TRPM3: variants seen among roughly 807,000 people sequenced by gnomAD.
TRPM3 encodes long transient receptor potential channel 3.
Under a neutral mutation model 181.2 loss-of-function variants are expected in TRPM3, and 77 were observed. The observed-to-expected ratio is 0.42, with a 90% CI of 0.35 to 0.51. The LOEUF (loss-of-function observed/expected upper bound fraction) is 0.51, where lower values mean the gene tolerates loss of function less well. Ranked by LOEUF, TRPM3 falls within the 20% of genes least tolerant of loss-of-function variation. TRPM3 has a pLI of 0.01. For missense variants in TRPM3, 1,759 were observed against 2,196.7 expected (o/e 0.80, Z 3.98); for synonymous variants, 745 against 796.4 (o/e 0.94, Z 1.09).
At chr9:70,761,424 G>GT (rs1564167221) in intron 8 of TRPM3, 177 bp downstream of exon 8, 2 of 803,742 alleles carry the variant, frequency 2.5e-6, no homozygotes, top group Non-Finnish European at 4.3e-6. Flanking sequence ...CTCGAAGGCA[G>GT]TAAAAGCAGT....
chr9:71,401,252 G>A (rs2093336818), intron 1 of TRPM3, among the ~76,000 whole-genome samples: 1 of 148,262 alleles, frequency 6.7e-6, no homozygotes, highest in South Asian at 2.1e-4. Flanking sequence ...CTGCTTTCAA[G>A]GAACTTAGAG....
intron 1 of TRPM3, among the ~76,000 whole-genome samples, chr9:70,976,421 T>C (rs142811216): frequency 1.3e-5 from 2 of 152,262 alleles, no homozygotes; most frequent in Non-Finnish European, 2.9e-5. Context: ...AGGCAGAATG[T>C]CCAAAGCATA....
chr9:71,014,350 C>T (rs2097768151), intron 1 of TRPM3, among the ~76,000 whole-genome samples: 1 of 151,890 alleles, frequency 6.6e-6, no homozygotes, highest in Non-Finnish European at 1.5e-5. Context: ...TGTGAATGTC[C>T]TATGTATATT....
At chr9:70,580,627 C>G (rs918975892) in intron 22 of TRPM3, among the ~76,000 whole-genome samples, 1 of 152,218 alleles carries the variant, frequency 6.6e-6, no homozygotes, top group Admixed American at 6.5e-5. Context: ...CCCATATGCC[C>G]ACACCAGGCA....
At chr9:71,043,178 C>T (rs2059026972) in intron 1 of TRPM3, among the ~76,000 whole-genome samples, 1 of 152,168 alleles carries the variant, frequency 6.6e-6, no homozygotes, top group Non-Finnish European at 1.5e-5. Flanking sequence ...GGCTGTCTGA[C>T]ATATTCTCTC....
intron 22 of TRPM3, among the ~76,000 whole-genome samples, chr9:70,555,684 C>T (rs1022608515): frequency 6.6e-6 from 1 of 152,194 alleles, no homozygotes; most frequent in African/African-American, 2.4e-5. Context: ...TTCAGTGTCT[C>T]TGCTACCCAC....
rs137919423 is a variant in TRPM3, at chr9:70,603,621, G to A, written c.2668-151C>T. 22 of 729,756 alleles carry A rather than the reference G, an allele frequency of 3.0e-5. No individual in the cohort carries two copies. The African/African-American group carries it at 3.5e-4, about 12-fold the overall frequency. The allele number at this position is 729,756 out of a possible 1,614,324, so 45.2% of individuals were successfully genotyped here. A position where few individuals can be genotyped will look rare whatever the true frequency, so the allele number is the denominator to read the frequency against. The stretch of plus-strand genomic sequence containing the variant: ...ACTTGAAGGTGCTAAACTAACAAAA[G>A]AATTAGAAAAGACAGTAATACTTGA... On this transcript the variant is annotated intron_variant, in intron 19 of 25. Transcript: ENST00000677713.
chr9:70,787,353 T>C (rs2083914560), intron 6 of TRPM3, among the ~76,000 whole-genome samples: 1 of 152,132 alleles, frequency 6.6e-6, no homozygotes, highest in African/African-American at 2.4e-5. Flanking sequence ...TGCTTCCAAA[T>C]TCTCTCTTAT....
chr9:70,535,938 G>A lies in TRPM3; in HGVS notation c.*15C>T, dbSNP rs769265828. ...GCTGGATTCTTGAGCCTTCTGTGGC[G>A]GATATTAAGAAGGTTTAGTTGTGCT... On this transcript the variant is annotated 3_prime_UTR_variant, in exon 26 of 26. Coordinates refer to ENST00000677713, the MANE Select transcript of TRPM3 (RefSeq NM_001366145.2). The A allele has an allele frequency of 1.7e-5, 26 of 1,556,764 alleles. No individual in the cohort carries two copies. Among genetic ancestry groups the A allele is most frequent in the African/African-American group, 1.4e-4 (10 of 72,866 alleles).
At chr9:70,783,062 C>A (rs1050532056) in intron 7 of TRPM3, among the ~76,000 whole-genome samples, 2 of 152,078 alleles carry the variant, frequency 1.3e-5, no homozygotes, top group Non-Finnish European at 2.9e-5. Context: ...GAGGGAGCAT[C>A]CTGCTGTAGG....
At chr9:70,570,615 A>G (rs1179316001) in intron 22 of TRPM3, among the ~76,000 whole-genome samples, 1 of 152,162 alleles carries the variant, frequency 6.6e-6, no homozygotes. Flanking sequence ...GTCCGGCCTT[A>G]GATATTTTAA....
chr9:71,156,422 A>ACACAC (rs1565285039), intron 1 of TRPM3, among the ~76,000 whole-genome samples: 1 of 94,974 alleles, frequency 1.1e-5, no homozygotes, highest in African/African-American at 3.2e-5. Context: ...CACACACACA[A>ACACAC]GGCTTATCAC....
Position 70,636,186 on chromosome 9 carries a change from T to A in TRPM3, c.1582-925A>T, listed in dbSNP as rs1253755713. On this transcript the variant is annotated intron_variant, in intron 11 of 25. Transcript: ENST00000677713. The stretch of plus-strand genomic sequence containing the variant: ...ACAAATGAGCTTGGTTATGATTCAA[T>A]GAAATTTTAATTATGGGCACAGAAA... 3.9e-5 allele frequency among the ~76,000 whole-genome samples: 6 copies of A among 152,134 alleles called. No homozygotes were observed. In the East Asian group the frequency reaches 1.2e-3, roughly 29 times the overall value.
At chr9:71,208,662 A>G (rs2079278998) in intron 1 of TRPM3, among the ~76,000 whole-genome samples, 2 of 152,218 alleles carry the variant, frequency 1.3e-5, no homozygotes, top group African/African-American at 4.8e-5. Flanking sequence ...TTAGAAACAG[A>G]AAAGAATATG....
At position 70,591,476 on chromosome 9, in the gene TRPM3, C is replaced by T. The variant is rs372080671; in HGVS notation, c.3049-271G>A. ...CGTTTTTCATTGCTGTCTGTGGGACCGAGCATAGGTCCCACATAGGCTAGG... is the reference window on the plus strand; with the variant it reads ...CGTTTTTCATTGCTGTCTGTGGGACTGAGCATAGGTCCCACATAGGCTAGG... On this transcript the variant is annotated intron_variant, in intron 21 of 25. Transcript: ENST00000677713. Among the ~76,000 whole-genome samples the T allele has an allele frequency of 6.4e-4, 97 of 152,210 alleles. 2 individuals carry two copies. The South Asian group carries it at 0.018, about 29-fold the overall frequency.
In TRPM3 at chr9:70,846,375, T is replaced by C; in HGVS notation, c.676+3A>G. On this transcript the variant is annotated splice_donor_region_variant and intron_variant, in intron 4 of 25. Coordinates refer to ENST00000677713, the MANE Select transcript of TRPM3 (RefSeq NM_001366145.2). ...TGACTTTCTCTGTTCCACTTGCAAT[T>C]ACCTGTGTTAACCCCTCCAGTGAAT... is the stretch of plus-strand genomic sequence containing the variant. 1 of 1,613,188 alleles carries C rather than the reference T, an allele frequency of 6.2e-7. No individual in the cohort carries two copies. Among genetic ancestry groups the C allele is most frequent in the Non-Finnish European group, 8.5e-7 (1 of 1,179,172 alleles).
chr9:70,988,090 G>A (rs898311181), intron 1 of TRPM3, among the ~76,000 whole-genome samples: 5 of 152,114 alleles, frequency 3.3e-5, no homozygotes, highest in Non-Finnish European at 7.4e-5. Flanking sequence ...GCAAGCTTAT[G>A]TAAGTCACTG....
At chr9:70,959,054 AACG>A (rs1367808581) in intron 1 of TRPM3, among the ~76,000 whole-genome samples, 3 of 151,472 alleles carry the variant, frequency 2.0e-5, no homozygotes, top group African/African-American at 4.9e-5. Context: ...CCTAATGCTA[AACG>A]ACGAGTTAAT....
intron 25 of TRPM3, among the ~76,000 whole-genome samples, chr9:70,543,648 T>C (rs1421981169): frequency 6.6e-6 from 1 of 152,184 alleles, no homozygotes; most frequent in Non-Finnish European, 1.5e-5. Flanking sequence ...TATGTTTCTG[T>C]CACTTTTTGG....
Sources: allele counts gnomAD v4.1 joint callset (sites outside exome capture counted in the v4.1 genomes callset), GRCh38; gene constraint gnomAD v4.1.1; transcripts MANE v1.5; gene names NCBI Gene and HGNC (gene_info 2026-07-23, HGNC 2026-07-21).